Variants in SLC47A2 observed in about 807,000 individuals in gnomAD.
The protein encoded by SLC47A2 is solute carrier family 47 member 2.
Under a neutral mutation model 67.7 loss-of-function variants are expected in SLC47A2, and 52 were observed. The ratio of observed to expected loss-of-function variants is 0.77; its 90% CI spans 0.61 to 0.97. The LOEUF is 0.97. SLC47A2 is among the 50% of genes least tolerant of loss of function. SLC47A2 has a pLI of 0.00. For synonymous variants in SLC47A2, 278 were observed against 292.9 expected (o/e 0.95, Z 0.52); for missense variants, 676 against 712.3 (o/e 0.95, Z 0.58).
intron 13 of SLC47A2, among the ~76,000 whole-genome samples, chr17:19,688,184 C>T (rs1232745698): frequency 6.6e-6 from 1 of 152,120 alleles, no homozygotes. Flanking sequence ...TGGGATTTAT[C>T]TCTGGGATAT....
At chr17:19,681,279 G>T in intron 15 of SLC47A2, 88 bp downstream of exon 15, 2 of 1,093,464 alleles carry the variant, frequency 1.8e-6, no homozygotes, top group Non-Finnish European at 2.6e-6. Flanking sequence ...GTTCTGATGT[G>T]CTCTGGGCAT....
intron 13 of SLC47A2, among the ~76,000 whole-genome samples, chr17:19,684,756 T>C (rs1269193426): frequency 6.6e-6 from 1 of 151,630 alleles, no homozygotes; most frequent in Admixed American, 6.6e-5. Flanking sequence ...TGTGAAATCA[T>C]TGAAATAAAC....
chr17:19,715,206 C>T lies in SLC47A2; in HGVS notation c.135G>A (p.Gln45=). The change falls in exon 2 of 17, where the codon CAG becomes CAA. Residue 45 remains glutamine, a synonymous_variant. Coordinates refer to ENST00000433844, the MANE Select transcript of SLC47A2 (RefSeq NM_001099646.3). ...CGATGTAGATCATAAAAGTCAGCAC[C>T]TGGAACAGGAACTGGAGGACAGCGG... ...FALSGPLFLF[Q]VLTFMIYIVS... is the part of the protein sequence containing the mutation. 1 of 1,610,214 alleles carries T rather than the reference C, an allele frequency of 6.2e-7. No homozygotes were observed. The highest frequency in any genetic ancestry group is 1.1e-5 in the South Asian group (1 of 91,084).
At chr17:19,704,614 G>A (rs1332399765) in intron 10 of SLC47A2, 1 of 1,499,078 alleles carries the variant, frequency 6.7e-7, no homozygotes, top group African/African-American at 1.4e-5. Flanking sequence ...TGACTCCTTT[G>A]CTTAAAGCTG....
Position 19,706,588 on chromosome 17 carries a change from G to A in SLC47A2, c.841+60C>T, listed in dbSNP as rs148935636. The A allele has an allele frequency of 2.0e-4, 277 of 1,396,442 alleles. No individual in the cohort carries two copies. The East Asian group carries it at 6.8e-3, about 34-fold the overall frequency. The allele number at this position is 1,396,442 out of a possible 1,614,324, so 86.5% of individuals were successfully genotyped here. A position where few individuals can be genotyped will look rare whatever the true frequency, so the allele number is the denominator to read the frequency against. On this transcript the variant is annotated intron_variant, in intron 9 of 16. Coordinates refer to ENST00000433844, the MANE Select transcript of SLC47A2 (RefSeq NM_001099646.3). Reference sequence around the variant, plus strand: ...GGGTGAGCCGCCATCCTGGGGAGGGGGCTTCTGGGCTGGGTGAGCCGCCCA... The same window carrying A: ...GGGTGAGCCGCCATCCTGGGGAGGGAGCTTCTGGGCTGGGTGAGCCGCCCA...
At position 19,702,611 on chromosome 17, in the gene SLC47A2, G is replaced by A; in HGVS notation, c.1158C>T (p.Ala386=). 6.2e-7 allele frequency: 1 copy of A among 1,613,852 alleles called. No individual in the cohort carries two copies. The highest frequency in any genetic ancestry group is 1.7e-4 in the Middle Eastern group (1 of 6,060). Residue 386 remains alanine, a synonymous_variant, in exon 13 of 17, where the codon GCC becomes GCT. Coordinates refer to ENST00000433844, the MANE Select transcript of SLC47A2 (RefSeq NM_001099646.3). ...PVYSVFHVFE[A]ICCVYGGVLR... is the part of the protein sequence containing the mutation. ...GGATCAAAGTGGTACTTACACAGAT[G>A]GCCTCAAACACGTGAAAGACACTAT...
chr17:19,700,763 C>CA lies in SLC47A2; in HGVS notation c.1164+1841dup, dbSNP rs67005913. 6.1e-3 allele frequency among the ~76,000 whole-genome samples: 523 copies of CA among 86,310 alleles called. 4 individuals are homozygous for CA. Among genetic ancestry groups the CA allele is most frequent in the African/African-American group, 0.018 (344 of 19,454 alleles). The allele number at this position is 86,310 out of a possible 152,430, so 56.6% of individuals were successfully genotyped here. A position where few individuals can be genotyped will look rare whatever the true frequency, so the allele number is the denominator to read the frequency against. On this transcript the variant is annotated intron_variant, in intron 13 of 16. Coordinates refer to ENST00000433844, the MANE Select transcript of SLC47A2 (RefSeq NM_001099646.3). ...CTGGGTGACAGAGTGAGACCTGTCT[C>CA]AAAAAAAAAAAAAAAAAAGCAAAGC...
chr17:19,713,968 G>A lies in SLC47A2; in HGVS notation c.300C>T (p.Phe100=). The change falls in exon 4 of 17, where the codon TTC becomes TTT. Residue 100 remains phenylalanine (F), a synonymous_variant. Coordinates refer to ENST00000433844, the MANE Select transcript of SLC47A2 (RefSeq NM_001099646.3). ...CCACGTGCTTCTTGTTGGGGCTGCC[G>A]AAGCTCTGCAAAACAGCCCGCCCCG... ...SACDTLMSQS[F]GSPNKKHVGV... The A allele has an allele frequency of 6.2e-7, 1 of 1,611,994 alleles. No individual in the cohort carries two copies.
At chr17:19,699,127 A>G (rs939215661) in intron 13 of SLC47A2, among the ~76,000 whole-genome samples, 10 of 152,200 alleles carry the variant, frequency 6.6e-5, no homozygotes, top group Non-Finnish European at 1.0e-4. Context: ...GAGCCCAGAA[A>G]TAGACCCATA....
chr17:19,690,643 G>A (rs1024401630), intron 13 of SLC47A2, among the ~76,000 whole-genome samples: 2 of 152,134 alleles, frequency 1.3e-5, no homozygotes, highest in African/African-American at 4.8e-5. Context: ...TATAAGATCT[G>A]AATAGGCATT....
intron 13 of SLC47A2, chr17:19,701,996 C>A: frequency 3.0e-6 from 1 of 338,054 alleles, no homozygotes; most frequent in Non-Finnish European, 4.2e-6. Context: ...GTAGTCCCAG[C>A]TACTCAGGAG....
chr17:19,716,190 C>T lies in SLC47A2; in HGVS notation c.123+243G>A, dbSNP rs568734515. 1.3e-5 allele frequency: 7 copies of T among 531,044 alleles called. No homozygotes were observed. In the South Asian group the frequency reaches 1.9e-4, roughly 14 times the overall value. 32.9% of individuals were successfully genotyped at this position (531,044 alleles called of 1,614,324 possible). ...TTTGTGGGTTTCCAGCTGAGGCACA[C>T]CCACCCCTTCTGTGTGGGGGCTGCC... On this transcript the variant is annotated intron_variant, in intron 1 of 16. Coordinates refer to ENST00000433844, the MANE Select transcript of SLC47A2 (RefSeq NM_001099646.3).
intron 13 of SLC47A2, among the ~76,000 whole-genome samples, chr17:19,684,971 G>A (rs371608069): frequency 2.0e-5 from 3 of 151,892 alleles, no homozygotes; most frequent in Non-Finnish European, 2.9e-5. Flanking sequence ...CCGGCCTGCC[G>A]AGTGCCTGGG....
chr17:19,708,325 A>C lies in SLC47A2; in HGVS notation c.606T>G (p.Val202=). ...ACCTGACCCCCAGGTTCAGCACAGA[A>C]ACCAGGGCATAGTTGGCCACACCGT... ...CVNGVANYAL[V]SVLNLGVRGS... The change falls in exon 7 of 17, where the codon GTT becomes GTG. Residue 202 remains valine (V), a synonymous_variant. Coordinates refer to ENST00000433844, the MANE Select transcript of SLC47A2 (RefSeq NM_001099646.3). 1.2e-6 allele frequency: 2 copies of C among 1,613,210 alleles called. No individual in the cohort carries two copies. Among genetic ancestry groups the C allele is most frequent in the Non-Finnish European group, 1.7e-6 (2 of 1,179,978 alleles).
chr17:19,704,228 C>T (rs780703700), intron 10 of SLC47A2, 50 bp from the exon 11 acceptor site: 1 of 1,499,446 alleles, frequency 6.7e-7, no homozygotes, highest in Admixed American at 1.9e-5. Flanking sequence ...CCTCCAACCC[C>T]TGAAGTCCTG....
chr17:19,711,771 C>T (rs1040260357), intron 5 of SLC47A2, among the ~76,000 whole-genome samples: 9 of 151,904 alleles, frequency 5.9e-5, no homozygotes, highest in Non-Finnish European at 1.3e-4. Context: ...CGTCCACTTC[C>T]AGTAATGCAT....
intron 6 of SLC47A2, 119 bp downstream of exon 6, chr17:19,708,597 C>T (rs773267979): frequency 9.4e-6 from 15 of 1,592,022 alleles, no homozygotes; most frequent in Middle Eastern, 1.7e-4. Flanking sequence ...TTGGAAGTGA[C>T]CCCTTTCAAG....
chr17:19,689,460 T>G (rs1030079482), intron 13 of SLC47A2, among the ~76,000 whole-genome samples: 3 of 151,576 alleles, frequency 2.0e-5, no homozygotes, highest in Admixed American at 6.6e-5. Flanking sequence ...ACTTTGGGAG[T>G]CCAAGGTGAG....
chr17:19,680,120 T>G, intron 15 of SLC47A2, 81 bp from the exon 16 acceptor site: 1 of 1,359,724 alleles, frequency 7.4e-7, no homozygotes, highest in Non-Finnish European at 1.0e-6. Context: ...ATTCTCTGTT[T>G]TTAAAACATT....
Sources: allele counts gnomAD v4.1 joint callset (sites outside exome capture counted in the v4.1 genomes callset), GRCh38; gene constraint gnomAD v4.1.1; transcripts MANE v1.5; gene names NCBI Gene and HGNC (gene_info 2026-07-23, HGNC 2026-07-21).